Variants in SHMT1 observed in about 807,000 individuals in gnomAD.
The protein encoded by SHMT1 is serine hydroxymethyltransferase, cytosolic.
In SHMT1, 45 loss-of-function variants were observed where a neutral mutation model predicts 49.0. The ratio of observed to expected loss-of-function variants is 0.92; its 90% CI spans 0.72 to 1.18. The LOEUF is 1.18. Ranked by LOEUF, SHMT1 falls within the 50% of genes most tolerant of loss-of-function variation. The pLI, the probability that SHMT1 is intolerant of heterozygous loss-of-function variation, is 0.00. For synonymous variants in SHMT1, 232 were observed against 246.6 expected (o/e 0.94, Z 0.55); for missense variants, 541 against 612.4 (o/e 0.88, Z 1.23).
intron 9 of SHMT1, 169 bp downstream of exon 9, chr17:18,332,997 G>T: frequency 1.2e-6 from 1 of 809,562 alleles, no homozygotes; most frequent in Non-Finnish European, 2.1e-6. Flanking sequence ...GCTGGTCTGA[G>T]GCAGGGGGAG....
intron 2 of SHMT1, among the ~76,000 whole-genome samples, chr17:18,354,987 C>G (rs1245064312): frequency 1.6e-5 from 2 of 128,166 alleles, no homozygotes; most frequent in Non-Finnish European, 3.2e-5. Flanking sequence ...GGAGATGGAG[C>G]TTGCAGTGAG....
intron 1 of SHMT1, among the ~76,000 whole-genome samples, chr17:18,357,800 CA>C (rs367574663): frequency 1.0e-4 from 14 of 137,708 alleles, no homozygotes; most frequent in East Asian, 2.1e-4. Flanking sequence ...GGCATTGCTA[CA>C]AAAAAAAAAG....
intron 5 of SHMT1, chr17:18,341,136 A>G: frequency 2.6e-6 from 1 of 392,066 alleles, no homozygotes; most frequent in East Asian, 5.3e-5. Context: ...GGTTACCTTC[A>G]GGAACAAGAC....
chr17:18,332,621 C>A, intron 9 of SHMT1: 1 of 176,510 alleles, frequency 5.7e-6, no homozygotes. Flanking sequence ...TGGATGGCAC[C>A]CCAGAGTGGG....
Position 18,340,999 on chromosome 17 carries a change from A to G in SHMT1, c.520-186T>C. On this transcript the variant is annotated intron_variant, in intron 5 of 11. Transcript: ENST00000316694. This position sits in a 1 kb window ranked among gnomAD's most constrained non-coding sequence, Gnocchi z 4.5. Reference sequence around the variant, plus strand: ...TCAACCAAGTATGGCTCACAGACCCAGGAGTCCCTGAGGAGTCCCAGGGTT... The same window carrying G: ...TCAACCAAGTATGGCTCACAGACCCGGGAGTCCCTGAGGAGTCCCAGGGTT... 1.6e-6 allele frequency: 1 copy of G among 636,222 alleles called. No individual in the cohort carries two copies. Among genetic ancestry groups the G allele is most frequent in the Non-Finnish European group, 2.9e-6 (1 of 347,852 alleles). The allele number at this position is 636,222 out of a possible 1,614,324, so 39.4% of individuals were successfully genotyped here.
chr17:18,353,495 T>C, intron 3 of SHMT1, 177 bp downstream of exon 3: 3 of 769,608 alleles, frequency 3.9e-6, no homozygotes, highest in Non-Finnish European at 7.0e-6. Flanking sequence ...CGCTGAGCTC[T>C]TCAGTGTTAT....
At position 18,329,363 on chromosome 17, in the gene SHMT1, A is replaced by T. The variant is rs1264339006; in HGVS notation, c.1197T>A (p.Ser399Arg). ...GTGCTGGGGTCCCCAGCCGCAGTCC[A>T]CTGGGCCGCAGAGCGCTTCTGTCAC... ...CPGDRSALRP[S>R]GLRLGTPALT... Residue 399 changes from serine to arginine, a missense_variant, in exon 11 of 12, where the codon AGT (serine) becomes AGA (arginine). Ser to Arg is a moderately radical substitution (Grantham distance 110). Coordinates refer to ENST00000316694, the MANE Select transcript of SHMT1 (RefSeq NM_004169.5). 6.2e-7 allele frequency: 1 copy of T among 1,612,902 alleles called. No homozygotes were observed. The highest frequency in any genetic ancestry group is 8.5e-7 in the Non-Finnish European group (1 of 1,179,978).
chr17:18,328,696 C>A lies in SHMT1; in HGVS notation c.*54G>T. 1 of 1,544,452 alleles carries A rather than the reference C, an allele frequency of 6.5e-7. No homozygotes were observed. Among genetic ancestry groups the A allele is most frequent in the Non-Finnish European group, 8.7e-7 (1 of 1,145,116 alleles). ...CATCCATCTCTCAGGTGGGGGTCCT[C>A]CGGCAGGCAGCTTCCTCTGTGGCGC... is the stretch of plus-strand genomic sequence containing the variant. On this transcript the variant is annotated 3_prime_UTR_variant, in exon 12 of 12. Coordinates refer to ENST00000316694, the MANE Select transcript of SHMT1 (RefSeq NM_004169.5).
At chr17:18,339,932 T>G in intron 7 of SHMT1, 111 bp downstream of exon 7, 1 of 1,060,504 alleles carries the variant, frequency 9.4e-7, no homozygotes, top group Middle Eastern at 2.1e-4. Context: ...TCTTAATATT[T>G]TCCAAGGATC....
intron 3 of SHMT1, among the ~76,000 whole-genome samples, chr17:18,352,687 G>C (rs1313610035): frequency 6.6e-6 from 1 of 151,976 alleles, no homozygotes; most frequent in East Asian, 1.9e-4. Flanking sequence ...GGGTGTGGTG[G>C]TGTGTGCCTG....
At chr17:18,342,614 A>T (rs1298125630) in intron 5 of SHMT1, among the ~76,000 whole-genome samples, 2 of 151,748 alleles carry the variant, frequency 1.3e-5, no homozygotes, top group Non-Finnish European at 2.9e-5. Context: ...GCACCTGGCC[A>T]TGTGATCTTA....
In SHMT1 at chr17:18,328,789, G is replaced by A. The variant is rs371867758; in HGVS notation, c.1413C>T (p.Phe471=). ...VQALREEVES[F]ASLFPLPGLP... ...GGCCAGGCAGAGGGAAGAGAGAGGC[G>A]AAGCTCTCAACCTCCTCCCGGAGAG... Residue 471 remains phenylalanine, a synonymous_variant, in exon 12 of 12, where the codon TTC becomes TTT. Transcript: ENST00000316694. The A allele has an allele frequency of 2.4e-5, 38 of 1,601,090 alleles. No homozygotes were observed. In the African/African-American group the frequency reaches 4.4e-4, roughly 19 times the overall value.
intron 3 of SHMT1, among the ~76,000 whole-genome samples, chr17:18,351,648 C>T (rs1179578081): frequency 6.6e-6 from 1 of 151,936 alleles, no homozygotes; most frequent in Non-Finnish European, 1.5e-5. Context: ...GTGGCACGTG[C>T]CTATAGTCCC....
intron 9 of SHMT1, 178 bp downstream of exon 9, chr17:18,332,988 C>G (rs1983383007): frequency 1.3e-6 from 1 of 754,364 alleles, no homozygotes; most frequent in Non-Finnish European, 2.3e-6. Flanking sequence ...GGGCGGCTGG[C>G]TGGTCTGAGG....
intron 4 of SHMT1, 80 bp downstream of exon 4, chr17:18,348,245 T>C (rs1985305112): frequency 3.2e-6 from 3 of 935,608 alleles, no homozygotes; most frequent in Non-Finnish European, 5.2e-6. Context: ...CAGTCCATCT[T>C]AGGACTCTTC....
intron 8 of SHMT1, among the ~76,000 whole-genome samples, chr17:18,333,771 A>G (rs1983499218): frequency 1.3e-5 from 2 of 148,478 alleles, no homozygotes; most frequent in Non-Finnish European, 1.5e-5. Flanking sequence ...GCCCAGCTAA[A>G]AAAATTTTTT....
At chr17:18,361,087 C>T (rs1283999088) in intron 1 of SHMT1, among the ~76,000 whole-genome samples, 1 of 151,920 alleles carries the variant, frequency 6.6e-6, no homozygotes, top group Non-Finnish European at 1.5e-5. Flanking sequence ...GGGTGCATCA[C>T]CCCAGGTCAG....
chr17:18,353,669 T>A lies in SHMT1; in HGVS notation c.242+3A>T. ...AACCAGGCCTTTGAAGATATTCACA[T>A]ACCTCTGGCCCGGGTACCCCTCAGA... On this transcript the variant is annotated splice_donor_region_variant and intron_variant, in intron 3 of 11. Transcript: ENST00000316694. 6.2e-7 allele frequency: 1 copy of A among 1,614,072 alleles called. No homozygotes were observed.
chr17:18,330,889 T>C, intron 9 of SHMT1: 1 of 582,830 alleles, frequency 1.7e-6, no homozygotes, highest in East Asian at 3.3e-5. Flanking sequence ...TAACTGATCA[T>C]ACAGCAGAGG....
Sources: allele counts gnomAD v4.1 joint callset (sites outside exome capture counted in the v4.1 genomes callset), GRCh38; gene constraint gnomAD v4.1.1; non-coding constraint Gnocchi (gnomAD v3.1); transcripts MANE v1.5; gene names NCBI Gene and HGNC (gene_info 2026-07-23, HGNC 2026-07-21).